The following ATP11C variants were observed in gnomAD, a reference collection of about 807,000 sequenced individuals.
The protein encoded by ATP11C is ATPase phospholipid transporting 11C (ATP11C blood group).
In ATP11C, 36 loss-of-function variants were observed where a neutral mutation model predicts 97.4. The observed-to-expected ratio is 0.37, with a 90% CI of 0.28 to 0.49. The LOEUF is 0.49. Ranked by LOEUF, ATP11C falls within the 20% of genes least tolerant of loss-of-function variation. The pLI, the probability that ATP11C is intolerant of heterozygous loss-of-function variation, is 0.98. For synonymous variants in ATP11C, 275 were observed against 290.9 expected, an observed-to-expected ratio of 0.95 and a Z score of 0.56; for missense variants, 730 against 824.6, an observed-to-expected ratio of 0.89 and a Z score of 1.40.
intron 16 of ATP11C, 136 bp downstream of exon 16, chrX:139,785,090 G>A (rs1218382516): frequency 2.2e-6 from 1 of 445,115 alleles, no homozygotes; most frequent in Non-Finnish European, 3.8e-6. Flanking sequence ...GAAAGCATAT[G>A]CAAAAGCTAC....
chrX:139,906,872 G>A (rs1220297605), intron 1 of ATP11C, among the ~76,000 whole-genome samples: 1 of 111,281 alleles, frequency 9.0e-6, no homozygotes, highest in Non-Finnish European at 1.9e-5. Context: ...TGGCACAATG[G>A]TGTCTTTCCA....
chrX:139,846,018 G>A (rs973095798), intron 1 of ATP11C, among the ~76,000 whole-genome samples: 6 of 111,656 alleles, frequency 5.4e-5, no homozygotes, highest in Non-Finnish European at 1.1e-4. Flanking sequence ...ATGGATCTTC[G>A]GGTTTCACTA....
At chrX:139,782,522 A>G in intron 18 of ATP11C, 25 bp downstream of exon 18, 1 of 1,105,910 alleles carries the variant, frequency 9.0e-7, no homozygotes, top group South Asian at 2.0e-5. Context: ...TCATTAAAAT[A>G]ATAAGAGTAT....
chrX:139,890,467 A>T (rs1470357753), intron 1 of ATP11C, among the ~76,000 whole-genome samples: 1 of 111,319 alleles, frequency 9.0e-6, no homozygotes, highest in Non-Finnish European at 1.9e-5. Flanking sequence ...AAAAGTTCAA[A>T]GCTTCAGTGA....
At chrX:139,836,609 G>T (rs191977499) in intron 1 of ATP11C, among the ~76,000 whole-genome samples, 35 of 111,714 alleles carry the variant, frequency 3.1e-4, no homozygotes, top group Admixed American at 3.1e-3. Flanking sequence ...TCCAGGGAAA[G>T]GTTCATGTGC....
chrX:139,845,324 C>T (rs2083892822), intron 1 of ATP11C, among the ~76,000 whole-genome samples: 1 of 112,159 alleles, frequency 8.9e-6, no homozygotes, highest in Admixed American at 9.4e-5. Flanking sequence ...GGAACCCCTA[C>T]AGAGATTTGC....
At chrX:139,776,228 A>C (rs1217648187) in intron 18 of ATP11C, among the ~76,000 whole-genome samples, 1 of 112,020 alleles carries the variant, frequency 8.9e-6, no homozygotes. Flanking sequence ...ACCTGGAGAA[A>C]CTTTTCACCT....
chrX:139,819,838 T>C (rs2083365910), intron 2 of ATP11C, among the ~76,000 whole-genome samples: 1 of 112,150 alleles, frequency 8.9e-6, no homozygotes, highest in Admixed American at 9.4e-5. Flanking sequence ...TTCACCTGTA[T>C]TGTTTACAAT....
intron 1 of ATP11C, among the ~76,000 whole-genome samples, chrX:139,909,555 A>ACC (rs1163813978): frequency 1.8e-5 from 2 of 111,423 alleles, no homozygotes; most frequent in East Asian, 2.8e-4. Context: ...ACACACACAC[A>ACC]CCCCATGCAC....
chrX:139,888,948 T>C (rs1201432032), intron 1 of ATP11C, among the ~76,000 whole-genome samples: 1 of 110,421 alleles, frequency 9.1e-6, no homozygotes, highest in Non-Finnish European at 1.9e-5. Context: ...GCTGGGACTA[T>C]AGGCACACAC....
chrX:139,851,775 A>G (rs1031431481), intron 1 of ATP11C, among the ~76,000 whole-genome samples: 8 of 112,140 alleles, frequency 7.1e-5, no homozygotes, highest in African/African-American at 2.6e-4. Context: ...ATTTAGCTTT[A>G]AAACTTAATG....
intron 1 of ATP11C, chrX:139,832,300 A>C: frequency 8.8e-7 from 1 of 1,134,264 alleles, no homozygotes; most frequent in Non-Finnish European, 1.2e-6. Context: ...GTTTCCCAGA[A>C]CTTGGGAAGT....
intron 20 of ATP11C, among the ~76,000 whole-genome samples, chrX:139,766,010 TG>T (rs2082128212): frequency 8.9e-6 from 1 of 111,969 alleles, no homozygotes; most frequent in East Asian, 2.8e-4. Flanking sequence ...GGAAGTACAC[TG>T]AGGTCAGTCA....
chrX:139,838,912 C>A (rs1365097527), intron 1 of ATP11C, among the ~76,000 whole-genome samples: 1 of 108,587 alleles, frequency 9.2e-6, no homozygotes, highest in African/African-American at 3.4e-5. Flanking sequence ...CACACCACTG[C>A]ACTCCAGCCA....
At chrX:139,898,692 G>C (rs2084848710) in intron 1 of ATP11C, among the ~76,000 whole-genome samples, 1 of 111,660 alleles carries the variant, frequency 9.0e-6, no homozygotes, top group African/African-American at 3.3e-5. Flanking sequence ...ATCAATATTT[G>C]AAACATGTCA....
At chrX:139,890,763 G>T (rs1013924411) in intron 1 of ATP11C, among the ~76,000 whole-genome samples, 3 of 111,638 alleles carry the variant, frequency 2.7e-5, no homozygotes, top group Non-Finnish European at 5.6e-5. Flanking sequence ...GGGCAGGAGT[G>T]GGGGGTGTAT....
At chrX:139,777,321 T>C (rs1450763682) in intron 18 of ATP11C, among the ~76,000 whole-genome samples, 1 of 109,908 alleles carries the variant, frequency 9.1e-6, no homozygotes. Flanking sequence ...AGGATAGCTA[T>C]AATAAAACAA....
At chrX:139,756,776 T>A (rs189418039) in intron 23 of ATP11C, among the ~76,000 whole-genome samples, 21 of 109,036 alleles carry the variant, frequency 1.9e-4, no homozygotes, top group Non-Finnish European at 9.5e-5. Context: ...AATGAGAACA[T>A]ATGGACACAA....
chrX:139,820,801 G>C (rs1474465876), intron 2 of ATP11C, among the ~76,000 whole-genome samples: 3 of 111,108 alleles, frequency 2.7e-5, no homozygotes, highest in East Asian at 2.9e-4. Context: ...AAAAATCATT[G>C]AATTTTTCAG....
Sources: allele counts gnomAD v4.1 joint callset (sites outside exome capture counted in the v4.1 genomes callset), GRCh38; gene constraint gnomAD v4.1.1; transcripts MANE v1.5; gene names NCBI Gene and HGNC (gene_info 2026-07-23, HGNC 2026-07-21).